The following STK24 variants were observed in gnomAD, a reference collection of about 807,000 sequenced individuals.
STK24 encodes the protein serine/threonine-protein kinase 24.
STK24 carries 21 observed loss-of-function variants against 55.6 expected under a neutral mutation model. The ratio of observed to expected loss-of-function variants is 0.38; its 90% CI spans 0.27 to 0.54. The LOEUF (loss-of-function observed/expected upper bound fraction) is 0.54, where lower values mean the gene tolerates loss of function less well. Among genes scored for constraint, STK24 ranks in the 20% least tolerant of loss-of-function variants. The pLI, the probability that STK24 is intolerant of heterozygous loss-of-function variation, is 0.79. For synonymous variants in STK24, 200 were observed against 215.2 expected (o/e 0.93, Z 0.62); for missense variants, 383 against 538.4 (o/e 0.71, Z 2.86).
Position 98,452,139 on chromosome 13 carries a change from A to G in STK24, c.*1034T>C, listed in dbSNP as rs1893226135. On this transcript the variant is annotated 3_prime_UTR_variant, in exon 11 of 11. Coordinates refer to ENST00000539966, the MANE Select transcript of STK24 (RefSeq NM_001032296.4). ...GGTGCCCTGTCCTCTGAAGAGTCAC[A>G]TTTCAAGGAGTATGCAAAATAAGCG... 1 of 152,204 alleles carries G rather than the reference A, an allele frequency of 6.6e-6. No homozygotes were observed. The highest frequency in any genetic ancestry group is 1.5e-5 in the Non-Finnish European group (1 of 68,052). The allele number at this position is 152,204 out of a possible 1,614,324, so 9.4% of individuals were successfully genotyped here.
chr13:98,496,133 C>T lies in STK24; in HGVS notation c.274-13812G>A, dbSNP rs115062386. ...GGTCTCCAGCTTCCCTGTGGGGAGC[C>T]ATGGGTGGGATGATTTAAGCAGATG... On this transcript the variant is annotated intron_variant, in intron 2 of 10. Transcript: ENST00000539966. Among the ~76,000 whole-genome samples the T allele has an allele frequency of 9.1e-3, 1,388 of 152,242 alleles. 19 individuals carry two copies. Among genetic ancestry groups the T allele is most frequent in the African/African-American group, 0.031 (1,267 of 41,538 alleles).
intron 3 of STK24, among the ~76,000 whole-genome samples, chr13:98,478,654 A>G (rs1224921870): frequency 3.3e-5 from 5 of 152,248 alleles, no homozygotes; most frequent in African/African-American, 1.2e-4. Context: ...TGGCCTAAAC[A>G]TTAATGAATA....
intron 1 of STK24, among the ~76,000 whole-genome samples, chr13:98,575,232 T>C (rs147766572): frequency 3.7e-4 from 57 of 152,238 alleles, no homozygotes; most frequent in African/African-American, 1.3e-3. Flanking sequence ...TCAGCAGAAG[T>C]TTAGGTTTTG....
At chr13:98,501,945 G>A (rs1011042465) in intron 2 of STK24, among the ~76,000 whole-genome samples, 63 of 152,108 alleles carry the variant, frequency 4.1e-4, no homozygotes, top group African/African-American at 1.2e-3. Context: ...TGCTGCTGCC[G>A]GAGGTTCTTG....
At chr13:98,458,055 A>C (rs1893540486) in intron 9 of STK24, among the ~76,000 whole-genome samples, 1 of 152,252 alleles carries the variant, frequency 6.6e-6, no homozygotes, top group African/African-American at 2.4e-5. Context: ...AAACTCCAGC[A>C]AACTGCCTTT....
At chr13:98,495,764 T>C (rs1047364718) in intron 2 of STK24, among the ~76,000 whole-genome samples, 1 of 152,244 alleles carries the variant, frequency 6.6e-6, no homozygotes, top group Non-Finnish European at 1.5e-5. Context: ...TACCCCATAA[T>C]TGATTGCGAA....
intron 2 of STK24, among the ~76,000 whole-genome samples, chr13:98,498,900 C>A (rs1488222176): frequency 6.6e-6 from 1 of 152,184 alleles, no homozygotes; most frequent in East Asian, 1.9e-4. Context: ...AACTCTGTCT[C>A]CAGATTTTCT....
intron 8 of STK24, among the ~76,000 whole-genome samples, chr13:98,461,479 G>A (rs556632310): frequency 1.9e-4 from 29 of 152,244 alleles, no homozygotes; most frequent in South Asian, 4.1e-4. Flanking sequence ...GTCATTTCAC[G>A]GGTCACCCCC....
intron 2 of STK24, among the ~76,000 whole-genome samples, chr13:98,511,578 T>C (rs1375798430): frequency 6.6e-6 from 1 of 152,232 alleles, no homozygotes; most frequent in Admixed American, 6.5e-5. Flanking sequence ...AACCTGGTTA[T>C]ACACACCCTG....
At chr13:98,474,496 C>G (rs1460692955) in intron 5 of STK24, among the ~76,000 whole-genome samples, 1 of 152,170 alleles carries the variant, frequency 6.6e-6, no homozygotes, top group African/African-American at 2.4e-5. Context: ...CAACCGCACA[C>G]GCCTCCACCC....
chr13:98,514,868 G>A (rs2139372831), intron 2 of STK24, among the ~76,000 whole-genome samples: 1 of 152,102 alleles, frequency 6.6e-6, no homozygotes, highest in African/African-American at 2.4e-5. Flanking sequence ...TTTAATAAGG[G>A]AAAATCATCA....
intron 2 of STK24, among the ~76,000 whole-genome samples, chr13:98,500,956 A>G (rs1895433164): frequency 6.6e-6 from 1 of 152,140 alleles, no homozygotes; most frequent in Non-Finnish European, 1.5e-5. Context: ...ACTACATCTG[A>G]TGAGTAAAAC....
At chr13:98,467,501 C>G (rs1893968616) in intron 5 of STK24, among the ~76,000 whole-genome samples, 1 of 152,138 alleles carries the variant, frequency 6.6e-6, no homozygotes, top group African/African-American at 2.4e-5. Flanking sequence ...GCTCTTTCAA[C>G]CTACAACAGT....
intron 2 of STK24, among the ~76,000 whole-genome samples, chr13:98,503,085 G>A (rs1189577646): frequency 3.7e-5 from 5 of 133,470 alleles, no homozygotes; most frequent in South Asian, 2.4e-4. Flanking sequence ...TGTGCTCTAG[G>A]GGCTCCAGGC....
chr13:98,459,029 A>G lies in STK24; in HGVS notation c.1122+1343T>C, dbSNP rs1893588132. ...TGACGGCGTTTAGGATATGTCCTGA[A>G]TAATTATGTCAAAGTTGCTTCATGG... On this transcript the variant is annotated intron_variant, in intron 9 of 10. Coordinates refer to ENST00000539966, the MANE Select transcript of STK24 (RefSeq NM_001032296.4). Among the ~76,000 whole-genome samples the G allele has an allele frequency of 1.3e-5, 2 of 152,216 alleles. 1 individual carries two copies. Among genetic ancestry groups the G allele is most frequent in the South Asian group, 4.1e-4 (2 of 4,828 alleles).
At chr13:98,454,820 G>C (rs1893374624) in intron 10 of STK24, 1 of 152,248 alleles carries the variant, frequency 6.6e-6, no homozygotes, top group African/African-American at 2.4e-5. Context: ...CCTGCAGAGA[G>C]ATGATAAGCA....
chr13:98,484,010 C>T (rs1485204034), intron 2 of STK24, among the ~76,000 whole-genome samples: 6 of 152,218 alleles, frequency 3.9e-5, no homozygotes, highest in African/African-American at 1.4e-4. Flanking sequence ...CGGACAAGTG[C>T]GGAAACCTCG....
chr13:98,524,814 AG>A (rs1251081712), intron 1 of STK24, among the ~76,000 whole-genome samples: 1 of 152,232 alleles, frequency 6.6e-6, no homozygotes, highest in Non-Finnish European at 1.5e-5. Flanking sequence ...AAGACGGCTT[AG>A]AAAACAGCAA....
intron 3 of STK24, among the ~76,000 whole-genome samples, chr13:98,480,285 C>T (rs184664103): frequency 8.6e-4 from 131 of 152,272 alleles, no homozygotes; most frequent in African/African-American, 2.8e-3. Flanking sequence ...AATATGAACA[C>T]GCTAAAGCAT....
Sources: gnomAD v4.1 joint callset for allele counts (sites outside exome capture counted in the v4.1 genomes callset) on GRCh38, gnomAD v4.1.1 for gene constraint, MANE v1.5 for transcripts, NCBI Gene and HGNC (gene_info 2026-07-23, HGNC 2026-07-21) for gene names.